CTSB: variants seen among roughly 807,000 people sequenced by gnomAD.
CTSB encodes the protein APP secretase.
A neutral mutation model predicts 44.3 loss-of-function variants in CTSB; 57 were observed. The observed-to-expected ratio is 1.29, with a 90% CI of 1.04 to 1.60. The LOEUF is 1.60. CTSB is among the 40% of genes most tolerant of loss of function. The probability of loss-of-function intolerance (pLI) is 0.00; values close to 1 mark genes in which losing one functional copy is unlikely to be tolerated. For synonymous variants in CTSB, 320 were observed against 168.0 expected (o/e 1.91, Z -7.00); for missense variants, 768 against 443.0 (o/e 1.73, Z -6.59).
chr8:11,848,998 C>G, intron 5 of CTSB, 48 bp downstream of exon 5: 1 of 1,415,684 alleles, frequency 7.1e-7, no homozygotes, highest in Non-Finnish European at 1.0e-6. Flanking sequence ...AGCTGGGGCC[C>G]AGGGTCTCTC....
At position 11,843,323 on chromosome 8, in the gene CTSB, T is replaced by G. The variant is rs1812603716; in HGVS notation, c.*1802A>C. On this transcript the variant is annotated 3_prime_UTR_variant, in exon 10 of 10. Coordinates refer to ENST00000353047, the MANE Select transcript of CTSB (RefSeq NM_001908.5). ...GTTCCTCAGATTTTCAGAGCTTATT[T>G]GATCTAGCATCTGGTTCCTAAATTC... The G allele has an allele frequency of 6.6e-6, 1 of 152,330 alleles. No homozygotes were observed. The highest frequency in any genetic ancestry group is 2.1e-4 in the South Asian group (1 of 4,830). 9.4% of individuals were successfully genotyped at this position (152,330 alleles called of 1,614,324 possible). A position where few individuals can be genotyped will look rare whatever the true frequency, so the allele number is the denominator to read the frequency against.
chr8:11,845,254 G>C, intron 9 of CTSB, 32 bp from the exon 10 acceptor site: 1 of 1,512,862 alleles, frequency 6.6e-7, no homozygotes. Context: ...CTTTTAAAGT[G>C]TGACAAGGGT....
intron 7 of CTSB, 140 bp from the exon 8 acceptor site, chr8:11,847,308 AG>A: frequency 1.5e-6 from 1 of 668,464 alleles, no homozygotes; most frequent in Admixed American, 2.3e-5. Flanking sequence ...GGGGAGCTCA[AG>A]GAAGGCTCCC....
intron 1 of CTSB, among the ~76,000 whole-genome samples, chr8:11,866,146 A>G (rs1817115863): frequency 6.6e-6 from 1 of 152,164 alleles, no homozygotes; most frequent in Non-Finnish European, 1.5e-5. Context: ...GCAACAGAAA[A>G]TATCTGTTAC....
intron 5 of CTSB, chr8:11,848,497 C>T (rs189548536): frequency 5.0e-6 from 2 of 400,008 alleles, no homozygotes; most frequent in South Asian, 2.1e-5. Context: ...CTTAAAAACA[C>T]CACCAGTTCT....
chr8:11,863,009 C>A (rs138678856), intron 1 of CTSB, among the ~76,000 whole-genome samples: 120 of 152,296 alleles, frequency 7.9e-4, no homozygotes, highest in African/African-American at 2.9e-3. Flanking sequence ...CAGCACCCAG[C>A]ATTTAGAAAA....
intron 1 of CTSB, among the ~76,000 whole-genome samples, chr8:11,857,470 G>T (rs961551235): frequency 6.6e-6 from 1 of 152,150 alleles, no homozygotes; most frequent in African/African-American, 2.4e-5. Flanking sequence ...ATGTACCCGG[G>T]GGCTTTGTGC....
At chr8:11,859,559 G>A (rs530739940) in intron 1 of CTSB, among the ~76,000 whole-genome samples, 13 of 151,416 alleles carry the variant, frequency 8.6e-5, no homozygotes, top group African/African-American at 2.4e-4. Context: ...TCAGGAGTTC[G>A]AGACCAGCCT....
chr8:11,856,514 G>A (rs2150424658), intron 1 of CTSB, among the ~76,000 whole-genome samples: 1 of 152,282 alleles, frequency 6.6e-6, no homozygotes, highest in Non-Finnish European at 1.5e-5. Context: ...TTGGGAGGCT[G>A]AGGCAGTAGA....
chr8:11,864,634 C>T (rs1207246842), intron 1 of CTSB, among the ~76,000 whole-genome samples: 2 of 152,118 alleles, frequency 1.3e-5, no homozygotes, highest in African/African-American at 2.4e-5. Context: ...GACGATAAGG[C>T]TTGAAACTAA....
chr8:11,860,242 T>C (rs988310716), intron 1 of CTSB, among the ~76,000 whole-genome samples: 7 of 152,144 alleles, frequency 4.6e-5, no homozygotes, highest in African/African-American at 1.4e-4. Context: ...AAAGAATTCT[T>C]AGCAAAGCTG....
Position 11,847,716 on chromosome 8 carries a change from A to C in CTSB, c.639T>G (p.Pro213=). ...DTPKCSKICE[P]GYSPTYKQDK... ...CCTGTTTGTAGGTCGGGCTGTAGCC[A>C]GGCTCACAGATCTTGCTACACTTGG... The change falls in exon 7 of 10, where the codon CCT becomes CCG. Residue 213 remains proline, a synonymous_variant. Transcript: ENST00000353047. 1 of 1,592,516 alleles carries C rather than the reference A, an allele frequency of 6.3e-7. No homozygotes were observed. Among genetic ancestry groups the C allele is most frequent in the Non-Finnish European group, 8.5e-7 (1 of 1,171,604 alleles).
intron 9 of CTSB, 83 bp downstream of exon 9, chr8:11,845,578 T>A: frequency 1.3e-6 from 2 of 1,516,208 alleles, no homozygotes; most frequent in South Asian, 2.5e-5. Context: ...GGCTGTGCGG[T>A]GGGTAGAACA....
chr8:11,856,794 T>A (rs1180907541), intron 1 of CTSB, among the ~76,000 whole-genome samples: 1 of 151,764 alleles, frequency 6.6e-6, no homozygotes, highest in African/African-American at 2.4e-5. Flanking sequence ...CCAAGGAAGA[T>A]GCACGGCAGT....
At chr8:11,849,798 C>G (rs546612021) in intron 4 of CTSB, among the ~76,000 whole-genome samples, 1 of 152,120 alleles carries the variant, frequency 6.6e-6, no homozygotes, top group Admixed American at 6.5e-5. Flanking sequence ...CCAGGTTGGT[C>G]TCAAACTCCT....
At chr8:11,848,795 C>T in intron 5 of CTSB, 1 of 408,918 alleles carries the variant, frequency 2.4e-6, no homozygotes, top group Non-Finnish European at 4.6e-6. Flanking sequence ...AGACATTCCA[C>T]CACATTTTCT....
At chr8:11,850,609 G>A (rs185121986) in intron 4 of CTSB, 2 of 336,578 alleles carry the variant, frequency 5.9e-6, no homozygotes, top group African/African-American at 4.1e-5. Context: ...GGGCCAGCAT[G>A]TCAGGGAAAG....
At position 11,844,109 on chromosome 8, in the gene CTSB, A is replaced by T. The variant is rs1407116359; in HGVS notation, c.*1016T>A. On this transcript the variant is annotated 3_prime_UTR_variant, in exon 10 of 10. Coordinates refer to ENST00000353047, the MANE Select transcript of CTSB (RefSeq NM_001908.5). ...AAGGGCAAGCTTACCAGGCACTTAC[A>T]GAGAAGGTTGACGAGGATGACAGGG... 6.6e-6 allele frequency: 1 copy of T among 152,280 alleles called. No individual in the cohort carries two copies. The highest frequency in any genetic ancestry group is 1.5e-5 in the Non-Finnish European group (1 of 68,042). The allele number at this position is 152,280 out of a possible 1,614,324, so 9.4% of individuals were successfully genotyped here.
intron 8 of CTSB, 29 bp downstream of exon 8, chr8:11,847,023 C>T: frequency 1.7e-6 from 2 of 1,199,626 alleles, no homozygotes; most frequent in Non-Finnish European, 2.5e-6. Context: ...GACCCCCACC[C>T]TCTATTGCCA....
Sources: allele counts gnomAD v4.1 joint callset (sites outside exome capture counted in the v4.1 genomes callset), GRCh38; gene constraint gnomAD v4.1.1; transcripts MANE v1.5; gene names NCBI Gene and HGNC (gene_info 2026-07-23, HGNC 2026-07-21).